The following MYOCOS variants were observed in gnomAD, a reference collection of about 807,000 sequenced individuals.
MYOCOS encodes myocilin opposite strand.
chr1:171,606,555 A>G (rs896699028), intron 1 of MYOCOS, among the ~76,000 whole-genome samples: 1 of 151,846 alleles, frequency 6.6e-6, no homozygotes, highest in Non-Finnish European at 1.5e-5. Context: ...GGCATTGTAT[A>G]AAAGAACATT....
At chr1:171,612,684 G>C (rs1284228998) in intron 1 of MYOCOS, among the ~76,000 whole-genome samples, 1 of 151,932 alleles carries the variant, frequency 6.6e-6, no homozygotes, top group Non-Finnish European at 1.5e-5. Context: ...AAAAAAATTA[G>C]CCGGCCGTGG....
chr1:171,620,086 T>TAA (rs201785635), upstream of MYOCOS, among the ~76,000 whole-genome samples: 758 of 147,664 alleles, frequency 5.1e-3, 5 homozygotes, highest in African/African-American at 0.011. Context: ...TATATATATA[T>TAA]AACCTATATA....
intron 1 of MYOCOS, among the ~76,000 whole-genome samples, chr1:171,610,612 A>G (rs896442102): frequency 3.9e-5 from 6 of 152,166 alleles, no homozygotes; most frequent in Admixed American, 2.6e-4. Flanking sequence ...TAACAAGCCC[A>G]CTCTTGCGAT....
At chr1:171,622,652 G>A (rs235851) in intron 1 of MYOCOS, among the ~76,000 whole-genome samples, 31,413 of 150,942 alleles carry the variant, frequency 0.21, 4,033 homozygotes, top group African/African-American at 0.36. Flanking sequence ...TCAAGCTGGC[G>A]AGCTCTGGCT....
chr1:171,601,251 G>A (rs1055932251), intron 1 of MYOCOS, among the ~76,000 whole-genome samples: 4 of 152,346 alleles, frequency 2.6e-5, no homozygotes, highest in East Asian at 1.9e-4. Flanking sequence ...GAGTGGAAGC[G>A]TGGCCTGATC....
At position 171,626,611 on chromosome 1, in the gene MYOCOS, C is replaced by T. The variant is rs1652708874; in HGVS notation, c.*10C>T. ...TCCCACGGTCTCCTAAGATGTAAAA[C>T]TTATTTTGAAGTGAATTCTTACACA... On this transcript the variant is annotated 3_prime_UTR_variant, in exon 3 of 3. Transcript: ENST00000637642. 5.0e-6 allele frequency: 2 copies of T among 398,544 alleles called. No individual in the cohort carries two copies. Among genetic ancestry groups the T allele is most frequent in the Non-Finnish European group, 8.8e-6 (2 of 226,026 alleles). The allele number at this position is 398,544 out of a possible 1,614,324, so 24.7% of individuals were successfully genotyped here. A position where few individuals can be genotyped will look rare whatever the true frequency, so the allele number is the denominator to read the frequency against.
intron 1 of MYOCOS, among the ~76,000 whole-genome samples, chr1:171,605,392 CACAAAAA>C (rs1652224569): frequency 8.1e-6 from 1 of 124,022 alleles, no homozygotes; most frequent in African/African-American, 4.5e-5. Flanking sequence ...CACACACACA[CACAAAAA>C]AAAAAAAACA....
intron 1 of MYOCOS, among the ~76,000 whole-genome samples, chr1:171,613,553 T>TG (rs1365495248): frequency 6.6e-6 from 1 of 151,902 alleles, no homozygotes; most frequent in Non-Finnish European, 1.5e-5. Flanking sequence ...TGCATTTTTT[T>TG]TTTGTTTTTG....
chr1:171,605,840 T>G (rs935912660), intron 1 of MYOCOS, among the ~76,000 whole-genome samples: 2 of 152,144 alleles, frequency 1.3e-5, no homozygotes, highest in Non-Finnish European at 2.9e-5. Flanking sequence ...GTTTTAAAAA[T>G]TATTACTAAT....
At chr1:171,610,619 C>T (rs190225911) in intron 1 of MYOCOS, among the ~76,000 whole-genome samples, 31 of 152,262 alleles carry the variant, frequency 2.0e-4, no homozygotes, top group Non-Finnish European at 3.5e-4. Context: ...CCCACTCTTG[C>T]GATAAGTAAC....
At chr1:171,606,571 A>G (rs571489348) in intron 1 of MYOCOS, among the ~76,000 whole-genome samples, 1 of 152,236 alleles carries the variant, frequency 6.6e-6, no homozygotes, top group East Asian at 1.9e-4. Flanking sequence ...ACATTGTGGA[A>G]CTCCCTGCTC....
chr1:171,610,878 G>A (rs1458104620), intron 1 of MYOCOS, among the ~76,000 whole-genome samples: 1 of 152,240 alleles, frequency 6.6e-6, no homozygotes, highest in East Asian at 1.9e-4. Context: ...AGTGGTGCTA[G>A]TTTAGGTCTT....
intron 1 of MYOCOS, among the ~76,000 whole-genome samples, chr1:171,601,875 G>A (rs1558077803): frequency 6.6e-6 from 1 of 152,122 alleles, no homozygotes; most frequent in African/African-American, 2.4e-5. Context: ...AGTTAATTTA[G>A]ACTAAACAAG....
chr1:171,608,408 CTTTTTTT>C (rs34773729), intron 1 of MYOCOS, among the ~76,000 whole-genome samples: 1 of 51,362 alleles, frequency 1.9e-5, no homozygotes, highest in Non-Finnish European at 3.3e-5. Flanking sequence ...GGGAACCAGA[CTTTTTTT>C]TTTTTTTTTT....
chr1:171,601,818 A>C (rs928885448), intron 1 of MYOCOS, among the ~76,000 whole-genome samples: 5 of 152,184 alleles, frequency 3.3e-5, no homozygotes, highest in Non-Finnish European at 7.4e-5. Context: ...TGGCAGAGGC[A>C]AGGAAAGACC....
rs1652624068 is a variant in MYOCOS at position 171,623,859 on chromosome 1, C to T, written c.-25C>T. ...TTCACAGGTGCAGTAACTTTAAATT[C>T]CTCAAATCCCCTGAGTGCAAGGCCA... On this transcript the variant is annotated 5_prime_UTR_variant, in exon 2 of 3. Coordinates refer to ENST00000637642, the MANE Select transcript of MYOCOS (RefSeq NM_001391940.1). The T allele has an allele frequency of 5.0e-6, 2 of 398,412 alleles. No homozygotes were observed. Among genetic ancestry groups the T allele is most frequent in the Non-Finnish European group, 8.8e-6 (2 of 226,080 alleles). The allele number at this position is 398,412 out of a possible 1,614,324, so 24.7% of individuals were successfully genotyped here.
At chr1:171,625,083 A>G (rs1011133554) in intron 2 of MYOCOS, among the ~76,000 whole-genome samples, 3 of 152,186 alleles carry the variant, frequency 2.0e-5, no homozygotes, top group African/African-American at 7.2e-5. Context: ...CAGCAAATTG[A>G]TAGGAATTAG....
chr1:171,603,419 G>A (rs977729626), intron 1 of MYOCOS, among the ~76,000 whole-genome samples: 11 of 152,142 alleles, frequency 7.2e-5, no homozygotes, highest in Non-Finnish European at 1.2e-4. Context: ...ATAAGACATC[G>A]TAAAGTGAGA....
At chr1:171,608,098 A>G (rs1472463114) in intron 1 of MYOCOS, among the ~76,000 whole-genome samples, 3 of 152,148 alleles carry the variant, frequency 2.0e-5, no homozygotes, top group Admixed American at 2.0e-4. Flanking sequence ...TGATTCAATT[A>G]TCTCCCACCG....
Sources: gnomAD v4.1 joint callset for allele counts (sites outside exome capture counted in the v4.1 genomes callset) on GRCh38, gnomAD v4.1.1 for gene constraint, MANE v1.5 for transcripts, NCBI Gene and HGNC (gene_info 2026-07-23, HGNC 2026-07-21) for gene names.